The following RNF214 variants were observed in gnomAD, a reference collection of about 807,000 sequenced individuals.
The protein encoded by RNF214 is ring finger protein 214.
Under a neutral mutation model 75.9 loss-of-function variants are expected in RNF214, and 25 were observed. That is an observed-to-expected ratio of 0.33 (90% CI 0.24 to 0.46). RNF214 has a LOEUF of 0.46. Ranked by LOEUF, RNF214 falls within the 20% of genes least tolerant of loss-of-function variation. The pLI is 1.00. For synonymous variants in RNF214, 314 were observed against 308.8 expected, an observed-to-expected ratio of 1.02 and a Z score of -0.18; for missense variants, 725 against 857.5, an observed-to-expected ratio of 0.85 and a Z score of 1.93.
chr11:117,270,397 A>G (rs1380876365), intron 6 of RNF214, among the ~76,000 whole-genome samples: 1 of 151,422 alleles, frequency 6.6e-6, no homozygotes, highest in East Asian at 1.9e-4. Flanking sequence ...AGCTGGGCCT[A>G]CAAGCATGTG....
At chr11:117,276,616 AAAAT>A (rs1185461182) in intron 6 of RNF214, among the ~76,000 whole-genome samples, 3 of 152,184 alleles carry the variant, frequency 2.0e-5, no homozygotes, top group African/African-American at 7.2e-5. Flanking sequence ...AGAAAATAAG[AAAAT>A]AATTTCTTAA....
intron 6 of RNF214, among the ~76,000 whole-genome samples, chr11:117,252,114 C>T (rs2033411034): frequency 2.0e-5 from 3 of 152,224 alleles, no homozygotes; most frequent in Non-Finnish European, 2.9e-5. Context: ...AGTGATGTGC[C>T]CGCCTTGGCC....
chr11:117,257,914 T>C (rs1281844107), intron 6 of RNF214, among the ~76,000 whole-genome samples: 1 of 152,182 alleles, frequency 6.6e-6, no homozygotes, highest in African/African-American at 2.4e-5. Context: ...CTGGATTTAC[T>C]TCTCCCCTAA....
intron 5 of RNF214, among the ~76,000 whole-genome samples, chr11:117,245,646 A>G (rs1007250838): frequency 7.9e-5 from 12 of 152,150 alleles, no homozygotes; most frequent in Admixed American, 2.6e-4. Context: ...CAGACCACTC[A>G]TAGACTTTTA....
intron 2 of RNF214, among the ~76,000 whole-genome samples, chr11:117,235,961 C>T (rs1245796184): frequency 6.6e-6 from 1 of 151,794 alleles, no homozygotes; most frequent in East Asian, 2.0e-4. Context: ...TATTCTTCCT[C>T]AACTCTGTTT....
chr11:117,256,571 A>G (rs1565337492), intron 6 of RNF214, among the ~76,000 whole-genome samples: 2 of 152,264 alleles, frequency 1.3e-5, no homozygotes, highest in South Asian at 2.1e-4. Context: ...CACTCTTGCC[A>G]TATAGTCTCG....
intron 1 of RNF214, among the ~76,000 whole-genome samples, 161 bp from the exon 2 acceptor site, chr11:117,234,106 C>G (rs2032829571): frequency 6.6e-6 from 1 of 152,222 alleles, no homozygotes; most frequent in Non-Finnish European, 1.5e-5. Context: ...ACTTTGCATA[C>G]AATGTCTCTT....
intron 8 of RNF214, 143 bp from the exon 9 acceptor site, chr11:117,281,171 G>A: frequency 1.7e-6 from 1 of 592,098 alleles, no homozygotes; most frequent in South Asian, 1.7e-5. Flanking sequence ...ACAGGGTTTA[G>A]CCACATTGCC....
intron 6 of RNF214, among the ~76,000 whole-genome samples, chr11:117,270,223 T>G (rs1193633681): frequency 7.2e-6 from 1 of 139,792 alleles, no homozygotes; most frequent in Non-Finnish European, 1.6e-5. Context: ...GCTTTTCAAT[T>G]TTCTTTTCTT....
intron 1 of RNF214, 40 bp from the exon 2 acceptor site, chr11:117,234,227 T>A (rs1161310802): frequency 6.8e-7 from 1 of 1,463,546 alleles, no homozygotes; most frequent in African/African-American, 1.4e-5. Flanking sequence ...GTTTTAAACT[T>A]TGGAAACTTG....
rs1419725723 is a variant in RNF214, at chr11:117,282,850, T to C, written c.1950T>C (p.His650=). 2 of 1,605,388 alleles carry C rather than the reference T, an allele frequency of 1.2e-6. No individual in the cohort carries two copies. The highest frequency in any genetic ancestry group is 1.3e-5 in the African/African-American group (1 of 74,712). The part of the protein sequence containing the change: ...AQVSYPGRSS[H]APATCKLCLM... ...TTTCATATCCTGGAAGGTCTTCACATGTAAGACTCTTTTTCTTTGAACACT... is the reference window on the plus strand; with the variant it reads ...TTTCATATCCTGGAAGGTCTTCACACGTAAGACTCTTTTTCTTTGAACACT... The change falls in exon 13 of 15, where the codon CAT becomes CAC. Residue 650 remains histidine, a splice_region_variant and synonymous_variant. Transcript: ENST00000300650.
intron 3 of RNF214, 162 bp from the exon 4 acceptor site, chr11:117,239,639 T>C (rs1414619488): frequency 1.6e-5 from 10 of 630,064 alleles, no homozygotes; most frequent in African/African-American, 1.5e-4. Flanking sequence ...AGCGTGGATG[T>C]TGGTGTCCGT....
chr11:117,277,482 A>G (rs777218721), intron 6 of RNF214, among the ~76,000 whole-genome samples: 2 of 152,242 alleles, frequency 1.3e-5, no homozygotes, highest in African/African-American at 2.4e-5. Context: ...AGATTGAATA[A>G]GTGTGTAACA....
At chr11:117,273,189 G>A (rs2033946459) in intron 6 of RNF214, among the ~76,000 whole-genome samples, 1 of 152,038 alleles carries the variant, frequency 6.6e-6, no homozygotes, top group African/African-American at 2.4e-5. Flanking sequence ...CTGATGATAT[G>A]CAGATAAGTA....
At chr11:117,280,443 A>T (rs1280352701) in intron 8 of RNF214, among the ~76,000 whole-genome samples, 184 bp downstream of exon 8, 1 of 152,150 alleles carries the variant, frequency 6.6e-6, no homozygotes, top group African/African-American at 2.4e-5. Context: ...AAAGTTCTGT[A>T]CTGTAACTCT....
At chr11:117,254,841 G>C (rs1176016305) in intron 6 of RNF214, among the ~76,000 whole-genome samples, 2 of 152,058 alleles carry the variant, frequency 1.3e-5, no homozygotes, top group Non-Finnish European at 2.9e-5. Flanking sequence ...GGCCAGGATG[G>C]TTTTGAACTT....
chr11:117,262,763 T>A (rs2033696890), intron 6 of RNF214, among the ~76,000 whole-genome samples: 1 of 151,386 alleles, frequency 6.6e-6, no homozygotes, highest in Non-Finnish European at 1.5e-5. Flanking sequence ...TTATATCAGT[T>A]ACTTAGGCCA....
At chr11:117,270,020 C>CT (rs1230970721) in intron 6 of RNF214, among the ~76,000 whole-genome samples, 17 of 152,012 alleles carry the variant, frequency 1.1e-4, no homozygotes, top group Non-Finnish European at 2.2e-4. Context: ...GGTAGTGAAT[C>CT]TTTCATTGTT....
At chr11:117,252,752 C>T (rs2033431535) in intron 6 of RNF214, among the ~76,000 whole-genome samples, 1 of 151,904 alleles carries the variant, frequency 6.6e-6, no homozygotes, top group South Asian at 2.1e-4. Flanking sequence ...GCTCTCCTGA[C>T]CTCCTGTTCC....
Sources: gnomAD v4.1 joint callset for allele counts (sites outside exome capture counted in the v4.1 genomes callset) on GRCh38, gnomAD v4.1.1 for gene constraint, MANE v1.5 for transcripts, NCBI Gene and HGNC (gene_info 2026-07-23, HGNC 2026-07-21) for gene names.